ERC2: variants seen among roughly 807,000 people sequenced by gnomAD.
ERC2 encodes the protein ELKS/RAB6-interacting/CAST family member 2, also known as ERC protein 2.
Under a neutral mutation model 114.8 loss-of-function variants are expected in ERC2, and 42 were observed. The observed-to-expected ratio is 0.37, with a 90% confidence interval of 0.29 to 0.47. The LOEUF (loss-of-function observed/expected upper bound fraction) is 0.47. Ranked by LOEUF, ERC2 falls within the 20% of genes least tolerant of loss-of-function variation. The probability of loss-of-function intolerance (pLI) is 0.99; values close to 1 mark genes in which losing one functional copy is unlikely to be tolerated. For missense variants in ERC2, 939 were observed against 1,150.7 expected, an observed-to-expected ratio of 0.82 and a Z score of 2.66; for synonymous variants, 454 against 425.5, an observed-to-expected ratio of 1.07 and a Z score of -0.82.
intron 2 of ERC2, among the ~76,000 whole-genome samples, chr3:56,370,294 A>G (rs1176187110): frequency 6.6e-6 from 1 of 152,210 alleles, no homozygotes; most frequent in Non-Finnish European, 1.5e-5. Flanking sequence ...CCCTGGATGG[A>G]ATACAGATCA....
intron 17 of ERC2, among the ~76,000 whole-genome samples, chr3:55,552,812 T>G (rs1173898445): frequency 6.6e-6 from 1 of 151,888 alleles, no homozygotes; most frequent in African/African-American, 2.4e-5. Flanking sequence ...TCTAATAATC[T>G]CTTCCTTAAA....
chr3:55,853,413 T>A (rs1422149992), intron 14 of ERC2, among the ~76,000 whole-genome samples: 4 of 151,960 alleles, frequency 2.6e-5, no homozygotes, highest in Admixed American at 6.6e-5. Context: ...CAATCCCAGC[T>A]ACTTGGGAGG....
In ERC2 at chr3:56,296,102, G is replaced by T; in HGVS notation, c.991C>A (p.Arg331=). 1 of 1,613,732 alleles carries T rather than the reference G, an allele frequency of 6.2e-7. No individual in the cohort carries two copies. Among genetic ancestry groups the T allele is most frequent in the Non-Finnish European group, 8.5e-7 (1 of 1,179,710 alleles). ...ACCTGAGACTCAGCCTCTGCCATCC[G>T]CCGCGTTCGCTCATTGTCATCCTCC... The part of the protein sequence containing the change: ...SLEDDNERTR[R]MAEAESQVSH... Residue 331 remains arginine, a synonymous_variant, in exon 3 of 18, where the codon CGG becomes AGG. Coordinates refer to ENST00000288221, the MANE Select transcript of ERC2 (RefSeq NM_015576.3).
At chr3:56,049,818 ATGTGTG>A (rs3052672) in intron 7 of ERC2, among the ~76,000 whole-genome samples, 5,707 of 145,028 alleles carry the variant, frequency 0.039, 86 homozygotes, top group South Asian at 0.065. Context: ...CCCATCATAT[ATGTGTG>A]TGTGTGTGTG....
chr3:55,998,928 G>C lies in ERC2; in HGVS notation c.2062-6678C>G, dbSNP rs1461489117. Among the ~76,000 whole-genome samples, 3 of 152,260 alleles carry C rather than the reference G, an allele frequency of 2.0e-5. No individual in the cohort carries two copies. In the East Asian group the frequency reaches 5.8e-4, roughly 29 times the overall value. ...ACCCCAAGTGTGGGGAACATCAGAG[G>C]GGTCTCAAATGTGCCCTGGCCAACA... On this transcript the variant is annotated intron_variant, in intron 10 of 17. Transcript: ENST00000288221.
chr3:56,132,408 G>A (rs2080254870), intron 6 of ERC2, among the ~76,000 whole-genome samples: 1 of 152,206 alleles, frequency 6.6e-6, no homozygotes, highest in Admixed American at 6.5e-5. Flanking sequence ...TGAGTCATCT[G>A]TGACTCAGAG....
chr3:55,703,424 A>G (rs911928545), intron 15 of ERC2, among the ~76,000 whole-genome samples: 30 of 152,178 alleles, frequency 2.0e-4, no homozygotes, highest in African/African-American at 6.5e-4. Flanking sequence ...CTTCAATGCC[A>G]TCATCTCCAG....
intron 13 of ERC2, among the ~76,000 whole-genome samples, chr3:55,924,031 T>G (rs724333): frequency 0.72 from 108,867 of 152,038 alleles, 39,222 homozygotes; most frequent in Admixed American, 0.78. Context: ...GGGGACACAA[T>G]ATTATAGATG....
intron 10 of ERC2, among the ~76,000 whole-genome samples, chr3:55,997,757 T>C (rs1255636115): frequency 6.6e-6 from 1 of 150,520 alleles, no homozygotes; most frequent in Non-Finnish European, 1.5e-5. Flanking sequence ...AAACTTTAGG[T>C]TCCTAATTTA....
At chr3:55,591,568 T>TGTGC (rs1491544716) in intron 17 of ERC2, among the ~76,000 whole-genome samples, 149 of 110,686 alleles carry the variant, frequency 1.3e-3, no homozygotes, top group East Asian at 5.4e-3. Flanking sequence ...CTCAGAAGTT[T>TGTGC]GTGTGCGTGT....
intron 14 of ERC2, among the ~76,000 whole-genome samples, chr3:55,827,999 C>G (rs2060402825): frequency 6.6e-6 from 1 of 152,234 alleles, no homozygotes; most frequent in African/African-American, 2.4e-5. Flanking sequence ...TGGAAACCAG[C>G]TGGAAAGTTG....
intron 17 of ERC2, among the ~76,000 whole-genome samples, chr3:55,597,195 C>T (rs976255889): frequency 2.6e-5 from 4 of 151,986 alleles, no homozygotes; most frequent in Non-Finnish European, 4.4e-5. Flanking sequence ...CCGAGGTGGG[C>T]GGATCACGAG....
intron 14 of ERC2, among the ~76,000 whole-genome samples, chr3:55,749,874 CTACGACTTCATTCTTG>C (rs1433760493): frequency 6.6e-6 from 1 of 152,162 alleles, no homozygotes; most frequent in Non-Finnish European, 1.5e-5. Context: ...CTGCGAAGGT[CTACGACTTCATTCTTG>C]AAGTCGGTGA....
intron 3 of ERC2, among the ~76,000 whole-genome samples, chr3:56,213,141 C>T (rs2049186992): frequency 6.6e-6 from 1 of 152,186 alleles, no homozygotes; most frequent in Non-Finnish European, 1.5e-5. Flanking sequence ...CCGGGTTCAT[C>T]TCACTGGGGA....
intron 3 of ERC2, among the ~76,000 whole-genome samples, chr3:56,221,801 G>A (rs1447935743): frequency 6.6e-6 from 1 of 152,144 alleles, no homozygotes; most frequent in Non-Finnish European, 1.5e-5. Flanking sequence ...CTCCTTGGGA[G>A]GCTGAGGCAG....
At chr3:56,105,175 G>GAGTT (rs1394669476) in intron 6 of ERC2, among the ~76,000 whole-genome samples, 3 of 152,156 alleles carry the variant, frequency 2.0e-5, no homozygotes, top group Non-Finnish European at 2.9e-5. Context: ...TGGAGTGAGT[G>GAGTT]AGGAGACAAT....
At chr3:55,626,475 G>A (rs2059528746) in intron 17 of ERC2, among the ~76,000 whole-genome samples, 1 of 152,188 alleles carries the variant, frequency 6.6e-6, no homozygotes, top group Non-Finnish European at 1.5e-5. Context: ...GAATCCCTGA[G>A]CAATTATCAT....
In ERC2 at chr3:56,112,842, C is replaced by T. The variant is rs147231781; in HGVS notation, c.1473+26667G>A. 2.6e-3 allele frequency among the ~76,000 whole-genome samples: 394 copies of T among 152,232 alleles called. 1 individual carries two copies. Among genetic ancestry groups the T allele is most frequent in the African/African-American group, 9.2e-3 (384 of 41,538 alleles). ...TCCACCGGGAGGTCAACACCACACT[C>T]CTCTGATGCCTGCAAATATGACTTA... On this transcript the variant is annotated intron_variant, in intron 6 of 17. Coordinates refer to ENST00000288221, the MANE Select transcript of ERC2 (RefSeq NM_015576.3).
chr3:56,345,329 A>G (rs1329668065), intron 2 of ERC2, among the ~76,000 whole-genome samples: 1 of 152,270 alleles, frequency 6.6e-6, no homozygotes, highest in Non-Finnish European at 1.5e-5. Context: ...ACACTAAAAA[A>G]GACAGGCATA....
Sources: allele counts gnomAD v4.1 joint callset (sites outside exome capture counted in the v4.1 genomes callset), GRCh38; gene constraint gnomAD v4.1.1; transcripts MANE v1.5; gene names NCBI Gene and HGNC (gene_info 2026-07-23, HGNC 2026-07-21).